KCNH1: variants seen among roughly 807,000 people sequenced by gnomAD.
KCNH1 encodes the protein voltage-gated delayed rectifier potassium channel KCNH1.
In KCNH1, 27 loss-of-function variants were observed where a neutral mutation model predicts 69.2. The ratio of observed to expected loss-of-function variants is 0.39; its 90% confidence interval spans 0.29 to 0.54. KCNH1 has a LOEUF of 0.54. Among genes scored for constraint, KCNH1 ranks in the 20% least tolerant of loss-of-function variants. The probability of loss-of-function intolerance (pLI) is 0.68; values close to 1 mark genes in which losing one functional copy is unlikely to be tolerated. For synonymous variants in KCNH1, 456 were observed against 487.7 expected, an observed-to-expected ratio of 0.93 and a Z score of 0.86; for missense variants, 798 against 1,261.6, an observed-to-expected ratio of 0.63 and a Z score of 5.57.
At chr1:210,954,415 T>C (rs1005118487) in intron 6 of KCNH1, among the ~76,000 whole-genome samples, 2 of 152,170 alleles carry the variant, frequency 1.3e-5, no homozygotes, top group African/African-American at 4.8e-5. Flanking sequence ...TTTGGGTATA[T>C]ACCCAGTAAT....
chr1:210,859,954 C>A, intron 7 of KCNH1: 1 of 1,583,208 alleles, frequency 6.3e-7, no homozygotes, highest in Non-Finnish European at 8.7e-7. Context: ...GTTCAAAGTT[C>A]ACTTGTCTTA....
At position 210,789,594 on chromosome 1, in the gene KCNH1, C is replaced by T. The variant is rs558301003; in HGVS notation, c.1915+7914G>A. 7.2e-4 allele frequency among the ~76,000 whole-genome samples: 110 copies of T among 152,312 alleles called. 4 individuals are homozygous for T. In the South Asian group the frequency reaches 0.022, roughly 31 times the overall value. Reference sequence around the variant, plus strand: ...TGAAATTTGAAATAATGTTGACTCTCTCAATACCCCTTTGAAAATTAAAAC... The same window carrying T: ...TGAAATTTGAAATAATGTTGACTCTTTCAATACCCCTTTGAAAATTAAAAC... On this transcript the variant is annotated intron_variant, in intron 9 of 10. Coordinates refer to ENST00000271751, the MANE Select transcript of KCNH1 (RefSeq NM_172362.3).
At chr1:210,690,408 G>A (rs544160783) in intron 10 of KCNH1, among the ~76,000 whole-genome samples, 49 of 152,128 alleles carry the variant, frequency 3.2e-4, no homozygotes, top group Non-Finnish European at 5.6e-4. Context: ...GTGGCCGAGC[G>A]TCAGAAGGGC....
At chr1:210,971,230 C>T (rs555085382) in intron 6 of KCNH1, among the ~76,000 whole-genome samples, 11 of 152,106 alleles carry the variant, frequency 7.2e-5, no homozygotes, top group East Asian at 5.8e-4. Flanking sequence ...TGAGATTATA[C>T]GCATGAGCCA....
At chr1:211,095,055 G>C (rs891940795) in intron 3 of KCNH1, among the ~76,000 whole-genome samples, 2 of 152,180 alleles carry the variant, frequency 1.3e-5, no homozygotes, top group African/African-American at 4.8e-5. Flanking sequence ...CCTGCAGACA[G>C]AGCTTGGGGC....
intron 6 of KCNH1, among the ~76,000 whole-genome samples, chr1:210,983,554 T>C (rs1571550396): frequency 6.6e-6 from 1 of 152,230 alleles, no homozygotes; most frequent in African/African-American, 2.4e-5. Context: ...TTCTTTTTTG[T>C]CAGGTTTGTC....
At chr1:210,994,679 C>T (rs898304889) in intron 6 of KCNH1, among the ~76,000 whole-genome samples, 2 of 152,094 alleles carry the variant, frequency 1.3e-5, no homozygotes, top group African/African-American at 4.8e-5. Flanking sequence ...ATTATGTAGG[C>T]CAGGGGTCAG....
intron 9 of KCNH1, 114 bp from the exon 10 acceptor site, chr1:210,775,658 C>G: frequency 1.4e-6 from 1 of 698,912 alleles, no homozygotes; most frequent in Non-Finnish European, 2.4e-6. Context: ...GCAGATTGGG[C>G]TCAGAGAAGG....
chr1:210,885,559 G>C (rs1037899596), intron 7 of KCNH1, among the ~76,000 whole-genome samples: 1 of 151,976 alleles, frequency 6.6e-6, no homozygotes, highest in Non-Finnish European at 1.5e-5. Context: ...TCACTCCCCT[G>C]GGAAGGGGGC....
At chr1:211,112,155 G>A (rs1328534442) in intron 1 of KCNH1, among the ~76,000 whole-genome samples, 8 of 115,702 alleles carry the variant, frequency 6.9e-5, no homozygotes, top group African/African-American at 1.9e-4. Flanking sequence ...CCTCTGCCCC[G>A]CCACTGCACC....
intron 7 of KCNH1, among the ~76,000 whole-genome samples, chr1:210,916,087 C>T (rs1436970703): frequency 6.6e-6 from 1 of 152,036 alleles, no homozygotes; most frequent in Non-Finnish European, 1.5e-5. Context: ...GTCAATGCTC[C>T]CCATTACTGT....
chr1:210,886,801 T>A (rs1274999884), intron 7 of KCNH1, among the ~76,000 whole-genome samples: 2 of 151,824 alleles, frequency 1.3e-5, no homozygotes, highest in Non-Finnish European at 2.9e-5. Context: ...ATATCAGAGA[T>A]TGAAGATCAA....
At chr1:211,004,243 G>A (rs866682504) in intron 6 of KCNH1, among the ~76,000 whole-genome samples, 1 of 152,092 alleles carries the variant, frequency 6.6e-6, no homozygotes, top group Admixed American at 6.6e-5. Context: ...AATGCTAAAG[G>A]GTGTTCCTCA....
chr1:211,053,363 T>C (rs1028089119), intron 5 of KCNH1, among the ~76,000 whole-genome samples: 2 of 152,078 alleles, frequency 1.3e-5, no homozygotes, highest in Non-Finnish European at 2.9e-5. Flanking sequence ...GTGCAGCCAA[T>C]GAGAGCTGAA....
intron 6 of KCNH1, among the ~76,000 whole-genome samples, chr1:210,953,582 T>C (rs1688104946): frequency 6.6e-6 from 1 of 152,154 alleles, no homozygotes; most frequent in Non-Finnish European, 1.5e-5. Flanking sequence ...TCCAAAGCAT[T>C]TCAGTTGGTC....
chr1:210,936,580 ATC>A (rs1687779413), intron 6 of KCNH1, among the ~76,000 whole-genome samples: 1 of 152,332 alleles, frequency 6.6e-6, no homozygotes, highest in African/African-American at 2.4e-5. Context: ...AATGGGTAAC[ATC>A]TGTTTAATGC....
chr1:210,800,980 A>T (rs948539864), intron 8 of KCNH1, among the ~76,000 whole-genome samples: 2 of 152,188 alleles, frequency 1.3e-5, no homozygotes, highest in African/African-American at 4.8e-5. Flanking sequence ...TGCATATAGA[A>T]TTCTTCTGAG....
intron 7 of KCNH1, among the ~76,000 whole-genome samples, chr1:210,825,120 C>T (rs1685008592): frequency 6.6e-6 from 1 of 152,188 alleles, no homozygotes; most frequent in Non-Finnish European, 1.5e-5. Flanking sequence ...GGGTTCACCT[C>T]ATTCATTTTC....
intron 5 of KCNH1, among the ~76,000 whole-genome samples, chr1:211,069,397 G>C (rs940789739): frequency 6.6e-6 from 1 of 151,682 alleles, no homozygotes; most frequent in African/African-American, 2.4e-5. Flanking sequence ...AGTTTGAAGA[G>C]ACAGAGTAAG....
Sources: gnomAD v4.1 joint callset for allele counts (sites outside exome capture counted in the v4.1 genomes callset) on GRCh38, gnomAD v4.1.1 for gene constraint, MANE v1.5 for transcripts, NCBI Gene and HGNC (gene_info 2026-07-23, HGNC 2026-07-21) for gene names.